The following GRIA1 variants were observed in gnomAD, a reference collection of about 807,000 sequenced individuals.
The protein encoded by GRIA1 is glutamate receptor 1.
A neutral mutation model predicts 99.2 loss-of-function variants in GRIA1; 31 were observed. The ratio of observed to expected loss-of-function variants is 0.31; its 90% CI spans 0.23 to 0.42. The LOEUF (loss-of-function observed/expected upper bound fraction) is 0.42, where lower values mean the gene tolerates loss of function less well. GRIA1 is among the 10% of genes least tolerant of loss of function. The pLI is 1.00. For missense variants in GRIA1, 782 were observed against 1,157.5 expected (o/e 0.68, Z 4.71); for synonymous variants, 438 against 432.4 (o/e 1.01, Z -0.16).
At chr5:153,689,914 G>C (rs1456484604) in intron 8 of GRIA1, among the ~76,000 whole-genome samples, 1 of 152,198 alleles carries the variant, frequency 6.6e-6, no homozygotes, top group African/African-American at 2.4e-5. Flanking sequence ...CCAGCCCTTT[G>C]AGTTGACCCT....
intron 11 of GRIA1, among the ~76,000 whole-genome samples, chr5:153,761,560 C>T (rs911062236): frequency 2.0e-5 from 3 of 151,928 alleles, no homozygotes; most frequent in South Asian, 2.1e-4. Flanking sequence ...TCTTATATGC[C>T]GCTGGTGGGA....
chr5:153,723,501 G>A (rs1224062529), intron 11 of GRIA1, among the ~76,000 whole-genome samples: 2 of 152,254 alleles, frequency 1.3e-5, no homozygotes, highest in African/African-American at 4.8e-5. Flanking sequence ...AAAGAAAGGG[G>A]TGACAGATGG....
At chr5:153,575,197 A>AAGAGAGAGAGAGAGAGAG (rs3064338) in intron 2 of GRIA1, among the ~76,000 whole-genome samples, 3 of 147,768 alleles carry the variant, frequency 2.0e-5, no homozygotes, top group African/African-American at 7.5e-5. Context: ...TCAAGAGAGA[A>AAGAGAGAGAGAGAGAGAG]AGAGAGAGAG....
chr5:153,788,207 CA>C (rs1554128325), intron 13 of GRIA1, among the ~76,000 whole-genome samples: 1 of 152,168 alleles, frequency 6.6e-6, no homozygotes, highest in Non-Finnish European at 1.5e-5. Flanking sequence ...AGGGAAAAAT[CA>C]GCTCGAATCT....
chr5:153,637,785 T>G (rs1335383644), intron 2 of GRIA1, among the ~76,000 whole-genome samples: 1 of 152,084 alleles, frequency 6.6e-6, no homozygotes, highest in Admixed American at 6.5e-5. Context: ...AGGGGAGTAT[T>G]ACGTATCTTC....
chr5:153,527,820 G>A (rs1315006452), intron 2 of GRIA1, among the ~76,000 whole-genome samples: 2 of 152,138 alleles, frequency 1.3e-5, no homozygotes, highest in African/African-American at 2.4e-5. Flanking sequence ...TGGTGAAATG[G>A]AACATTTCTT....
intron 2 of GRIA1, among the ~76,000 whole-genome samples, chr5:153,592,943 A>C (rs2149388088): frequency 6.6e-6 from 1 of 152,244 alleles, no homozygotes; most frequent in South Asian, 2.1e-4. Flanking sequence ...GAGTCTCATC[A>C]TGGGGCTCCA....
chr5:153,808,385 G>A (rs754639764), intron 15 of GRIA1, among the ~76,000 whole-genome samples: 2 of 152,002 alleles, frequency 1.3e-5, no homozygotes, highest in African/African-American at 4.8e-5. Flanking sequence ...AGCCACGACG[G>A]GGGGCGGGGA....
intron 2 of GRIA1, among the ~76,000 whole-genome samples, chr5:153,618,176 T>C (rs1269471557): frequency 6.6e-6 from 1 of 152,238 alleles, no homozygotes; most frequent in East Asian, 1.9e-4. Context: ...GGATAAGGCT[T>C]GAATGGTCTA....
intron 2 of GRIA1, among the ~76,000 whole-genome samples, chr5:153,522,673 T>C (rs908714371): frequency 6.6e-6 from 1 of 152,176 alleles, no homozygotes; most frequent in Non-Finnish European, 1.5e-5. Flanking sequence ...GGAACTTATG[T>C]AATAAGCCAC....
At chr5:153,749,037 G>A (rs1762337826) in intron 11 of GRIA1, among the ~76,000 whole-genome samples, 1 of 152,098 alleles carries the variant, frequency 6.6e-6, no homozygotes, top group African/African-American at 2.4e-5. Context: ...CTTGAGCTTT[G>A]GGCACAGCAA....
At position 153,724,590 on chromosome 5, in the gene GRIA1, C is replaced by G. The variant is rs575849314; in HGVS notation, c.1823+18523C>G. Among the ~76,000 whole-genome samples, 3 of 152,202 alleles carry G rather than the reference C, an allele frequency of 2.0e-5. No individual in the cohort carries two copies. In the East Asian group the frequency reaches 5.8e-4, roughly 29 times the overall value. On this transcript the variant is annotated intron_variant, in intron 11 of 15. Coordinates refer to ENST00000285900, the MANE Select transcript of GRIA1 (RefSeq NM_000827.4). ...GCTGAAAGCCAAGGCTTGAGAACTA[C>G]GTGAAGAATGCAGAAGCCTCAGGAG...
At position 153,494,306 on chromosome 5, in the gene GRIA1, C is replaced by T. The variant is rs565517813; in HGVS notation, c.220+241C>T. ...CTGTCAGCTAACTTTAATGCCAGCA[C>T]GATGGGTGCTTGGGTTGACTGCATC... On this transcript the variant is annotated intron_variant, in intron 2 of 15. Transcript: ENST00000285900. 2.0e-5 allele frequency: 10 copies of T among 502,846 alleles called. No homozygotes were observed. The East Asian group carries it at 2.1e-4, about 10-fold the overall frequency. The allele number at this position is 502,846 out of a possible 1,614,324, so 31.1% of individuals were successfully genotyped here.
At position 153,784,858 on chromosome 5, in the gene GRIA1, C is replaced by A. The variant is rs560188240; in HGVS notation, c.2271-9763C>A. Among the ~76,000 whole-genome samples, 7 of 152,262 alleles carry A rather than the reference C, an allele frequency of 4.6e-5. No individual in the cohort carries two copies. In the South Asian group the frequency reaches 1.5e-3, roughly 32 times the overall value. ...GTCCAAAGGAAGCCATTAAGGAGTG[C>A]ATCTAGGACCCAGGCCCACCAGTAC... On this transcript the variant is annotated intron_variant, in intron 13 of 15. Transcript: ENST00000285900.
chr5:153,795,439 G>T, intron 14 of GRIA1: 1 of 1,048,774 alleles, frequency 9.5e-7, no homozygotes, highest in East Asian at 2.4e-5. Context: ...AAATAACATT[G>T]GTAATGTTAT....
At chr5:153,749,814 A>G (rs1358815679) in intron 11 of GRIA1, among the ~76,000 whole-genome samples, 1 of 152,122 alleles carries the variant, frequency 6.6e-6, no homozygotes, top group Non-Finnish European at 1.5e-5. Flanking sequence ...AACTGCCCAC[A>G]CTACACTCCC....
chr5:153,701,558 T>C (rs886569994), intron 10 of GRIA1, among the ~76,000 whole-genome samples: 1 of 137,250 alleles, frequency 7.3e-6, no homozygotes, highest in South Asian at 2.4e-4. Flanking sequence ...GAGGCGGAGC[T>C]TGCAATGAGC....
chr5:153,717,420 G>T (rs1436047478), intron 11 of GRIA1, among the ~76,000 whole-genome samples: 1 of 152,044 alleles, frequency 6.6e-6, no homozygotes, highest in Non-Finnish European at 1.5e-5. Flanking sequence ...ACGTAAGGGA[G>T]GGAGCCAATA....
chr5:153,652,451 G>A (rs1754644459), intron 4 of GRIA1, among the ~76,000 whole-genome samples: 1 of 152,064 alleles, frequency 6.6e-6, no homozygotes, highest in African/African-American at 2.4e-5. Flanking sequence ...CTATTTTATA[G>A]ATGAAGAAAA....
Sources: allele counts gnomAD v4.1 joint callset (sites outside exome capture counted in the v4.1 genomes callset), GRCh38; gene constraint gnomAD v4.1.1; transcripts MANE v1.5; gene names NCBI Gene and HGNC (gene_info 2026-07-23, HGNC 2026-07-21).